The following CDK6 variants were observed in gnomAD, a reference collection of about 807,000 sequenced individuals.
CDK6 encodes cyclin-dependent kinase 6.
In CDK6, 6 loss-of-function variants were observed where a neutral mutation model predicts 37.1. The ratio of observed to expected loss-of-function variants is 0.16; its 90% CI spans 0.09 to 0.32. The LOEUF (loss-of-function observed/expected upper bound fraction) is 0.32. CDK6 is among the 10% of genes least tolerant of loss of function. CDK6 has a pLI of 1.00. For synonymous variants in CDK6, 160 were observed against 161.3 expected, an observed-to-expected ratio of 0.99 and a Z score of 0.06; for missense variants, 224 against 418.9, an observed-to-expected ratio of 0.53 and a Z score of 4.06.
At chr7:92,721,441 T>A (rs1009955335) in intron 4 of CDK6, among the ~76,000 whole-genome samples, 4 of 152,168 alleles carry the variant, frequency 2.6e-5, no homozygotes, top group Non-Finnish European at 4.4e-5. Context: ...CTCTAAAGCA[T>A]GAGATCCAGG....
intron 5 of CDK6, among the ~76,000 whole-genome samples, chr7:92,667,388 G>A (rs1386533662): frequency 6.6e-6 from 1 of 151,722 alleles, no homozygotes; most frequent in Non-Finnish European, 1.5e-5. Context: ...GCAGAGATGG[G>A]GGTCTCACTA....
At chr7:92,645,962 AT>A (rs1305814351) in intron 5 of CDK6, among the ~76,000 whole-genome samples, 1 of 152,174 alleles carries the variant, frequency 6.6e-6, no homozygotes, top group African/African-American at 2.4e-5. Context: ...GATTCATATA[AT>A]CCAACGGTGA....
At chr7:92,705,811 A>G (rs908018527) in intron 4 of CDK6, among the ~76,000 whole-genome samples, 3 of 152,252 alleles carry the variant, frequency 2.0e-5, no homozygotes, top group Admixed American at 2.0e-4. Flanking sequence ...AAATTAGAGA[A>G]TAAGCAATTG....
intron 5 of CDK6, among the ~76,000 whole-genome samples, chr7:92,625,665 T>C (rs1377348183): frequency 6.6e-6 from 1 of 151,996 alleles, no homozygotes; most frequent in Non-Finnish European, 1.5e-5. Context: ...TATGCCTTTT[T>C]AAAAAAACAA....
At chr7:92,819,609 C>T (rs1801120372) in intron 2 of CDK6, among the ~76,000 whole-genome samples, 1 of 151,828 alleles carries the variant, frequency 6.6e-6, no homozygotes, top group African/African-American at 2.4e-5. Flanking sequence ...AATTCAGCCA[C>T]AGGAAAAACA....
intron 2 of CDK6, among the ~76,000 whole-genome samples, chr7:92,801,803 G>A (rs1449962716): frequency 6.6e-6 from 1 of 151,956 alleles, no homozygotes; most frequent in Non-Finnish European, 1.5e-5. Context: ...TGTACATTTG[G>A]TAGAGATGGG....
intron 2 of CDK6, among the ~76,000 whole-genome samples, chr7:92,786,640 T>C (rs1237672724): frequency 7.4e-6 from 1 of 134,288 alleles, no homozygotes; most frequent in Non-Finnish European, 1.5e-5. Flanking sequence ...TGTATACATA[T>C]ATATATATAT....
chr7:92,776,272 GT>G (rs1446645781), intron 2 of CDK6, among the ~76,000 whole-genome samples: 1 of 152,172 alleles, frequency 6.6e-6, no homozygotes, highest in African/African-American at 2.4e-5. Flanking sequence ...GTATTCCATG[GT>G]GTATATGTGC....
chr7:92,807,419 G>C (rs1800755788), intron 2 of CDK6, among the ~76,000 whole-genome samples: 1 of 151,106 alleles, frequency 6.6e-6, no homozygotes. Flanking sequence ...TCTAGATATA[G>C]ATAGATATAC....
chr7:92,655,525 T>C (rs531337681), intron 5 of CDK6, among the ~76,000 whole-genome samples: 2 of 152,326 alleles, frequency 1.3e-5, no homozygotes, highest in East Asian at 1.9e-4. Context: ...GATAAAGCAA[T>C]TGGCTTCCAA....
chr7:92,621,226 AG>A (rs996638400), intron 6 of CDK6, among the ~76,000 whole-genome samples: 2 of 152,250 alleles, frequency 1.3e-5, no homozygotes, highest in Admixed American at 1.3e-4. Context: ...ATGCATTCAG[AG>A]GAAACAGAAC....
chr7:92,730,519 T>G (rs1436083424), intron 3 of CDK6, among the ~76,000 whole-genome samples: 1 of 152,198 alleles, frequency 6.6e-6, no homozygotes, highest in East Asian at 1.9e-4. Context: ...ATATAACTTC[T>G]CTCGCATGTC....
intron 2 of CDK6, among the ~76,000 whole-genome samples, chr7:92,823,633 A>G (rs1188625510): frequency 2.0e-5 from 3 of 151,888 alleles, no homozygotes; most frequent in Non-Finnish European, 4.4e-5. Flanking sequence ...TTAACCCAAG[A>G]TTATTTAATA....
chr7:92,832,217 A>C (rs985594508), intron 2 of CDK6, among the ~76,000 whole-genome samples: 13 of 152,222 alleles, frequency 8.5e-5, no homozygotes, highest in African/African-American at 3.1e-4. Flanking sequence ...TTCCAGGATC[A>C]CTAAGAAAAC....
intron 2 of CDK6, among the ~76,000 whole-genome samples, chr7:92,824,683 A>AT (rs1249315490): frequency 1.3e-5 from 2 of 152,172 alleles, no homozygotes; most frequent in African/African-American, 4.8e-5. Flanking sequence ...CCAATCAGTA[A>AT]TACAGATATC....
At chr7:92,817,092 T>A (rs1801049441) in intron 2 of CDK6, among the ~76,000 whole-genome samples, 1 of 151,982 alleles carries the variant, frequency 6.6e-6, no homozygotes, top group African/African-American at 2.4e-5. Flanking sequence ...GATGACTTCA[T>A]TAGTAAATTC....
intron 2 of CDK6, among the ~76,000 whole-genome samples, chr7:92,802,555 A>G (rs1454228997): frequency 6.6e-6 from 1 of 152,226 alleles, no homozygotes; most frequent in Non-Finnish European, 1.5e-5. Context: ...AAAGACATAA[A>G]GTGCTCGTTT....
chr7:92,628,987 G>A (rs960463847), intron 5 of CDK6, among the ~76,000 whole-genome samples: 1 of 151,960 alleles, frequency 6.6e-6, no homozygotes, highest in African/African-American at 2.4e-5. Context: ...AAGGCAAAAC[G>A]GTATAGGATT....
rs1026122276 is a variant in CDK6, at chr7:92,614,569, C to G, written c.*571G>C. 1.7e-5 allele frequency: 4 copies of G among 233,586 alleles called. No individual in the cohort carries two copies. Among genetic ancestry groups the G allele is most frequent in the Non-Finnish European group, 3.4e-5 (4 of 118,130 alleles). The allele number at this position is 233,586 out of a possible 1,614,324, so 14.5% of individuals were successfully genotyped here. On this transcript the variant is annotated 3_prime_UTR_variant, in exon 8 of 8. Coordinates refer to ENST00000424848, the MANE Select transcript of CDK6 (RefSeq NM_001145306.2). The stretch of plus-strand genomic sequence containing the variant: ...GGGTTAACTTTCTAATTTGAGAAGA[C>G]TATTTTGGTGAATCACCTTCAGTGA...
Sources: allele counts gnomAD v4.1 joint callset (sites outside exome capture counted in the v4.1 genomes callset), GRCh38; gene constraint gnomAD v4.1.1; transcripts MANE v1.5; gene names NCBI Gene and HGNC (gene_info 2026-07-23, HGNC 2026-07-21).